Variants in AFF1 observed in about 807,000 individuals in gnomAD.
AFF1 encodes the protein ALF transcription elongation factor 1.
A neutral mutation model predicts 121.7 loss-of-function variants in AFF1; 48 were observed. The ratio of observed to expected loss-of-function variants is 0.39; its 90% CI spans 0.31 to 0.50. The LOEUF (loss-of-function observed/expected upper bound fraction) is 0.50. Ranked by LOEUF, AFF1 falls within the 20% of genes least tolerant of loss-of-function variation. AFF1 has a pLI of 0.76. For synonymous variants in AFF1, 613 were observed against 563.0 expected (o/e 1.09, Z -1.26); for missense variants, 1,523 against 1,511.7 (o/e 1.01, Z -0.12).
At chr4:87,037,820 T>A (rs989037893) in intron 2 of AFF1, among the ~76,000 whole-genome samples, 2 of 152,014 alleles carry the variant, frequency 1.3e-5, no homozygotes, top group Non-Finnish European at 2.9e-5. Context: ...GCAAAATATC[T>A]TACTGGCTCT....
rs1251112731 is a variant in AFF1 at position 87,115,133 on chromosome 4, G to C, written c.2300G>C (p.Ser767Thr). 4 of 1,614,162 alleles carry C rather than the reference G, an allele frequency of 2.5e-6. No homozygotes were observed. The highest frequency in any genetic ancestry group is 3.4e-6 in the Non-Finnish European group (4 of 1,180,042). Residue 767 changes from serine (S) to threonine (T), a missense_variant, in exon 12 of 21, where the codon AGC (serine) becomes ACC (threonine). Coordinates refer to ENST00000395146, the MANE Select transcript of AFF1 (RefSeq NM_001166693.3). The part of the protein sequence containing the change: ...SPLRDTPPPQ[S>T]LMVKITLDLL... ...CTCAGGGACACTCCTCCCCCACAAAGCTTGATGGTGAAGATCACCCTAGAC... is the reference window on the plus strand; with the variant it reads ...CTCAGGGACACTCCTCCCCCACAAACCTTGATGGTGAAGATCACCCTAGAC...
intron 6 of AFF1, among the ~76,000 whole-genome samples, chr4:87,090,594 A>G (rs1257800101): frequency 6.6e-6 from 1 of 152,190 alleles, no homozygotes; most frequent in Non-Finnish European, 1.5e-5. Context: ...ATAACCTTCA[A>G]AATGTAGAAA....
chr4:87,071,774 A>G (rs1412200898), intron 4 of AFF1, among the ~76,000 whole-genome samples: 1 of 152,164 alleles, frequency 6.6e-6, no homozygotes, highest in Non-Finnish European at 1.5e-5. Context: ...TTTTTTCCAT[A>G]TGATCTCTTC....
At chr4:87,047,919 A>G (rs1489968804) in intron 4 of AFF1, 1 of 309,576 alleles carries the variant, frequency 3.2e-6, no homozygotes, top group Non-Finnish European at 6.2e-6. Context: ...CCAAAACCCA[A>G]TCAAGAGAGA....
chr4:87,060,109 C>A (rs1213449748), intron 4 of AFF1, among the ~76,000 whole-genome samples: 5 of 152,178 alleles, frequency 3.3e-5, no homozygotes, highest in African/African-American at 1.2e-4. Context: ...TTTGAGAAAT[C>A]ATTTCACCAT....
intron 2 of AFF1, among the ~76,000 whole-genome samples, chr4:86,951,350 C>T (rs571271612): frequency 7.0e-6 from 1 of 142,446 alleles, no homozygotes; most frequent in South Asian, 2.3e-4. Context: ...CTGCTTTGTC[C>T]GTTTGCCCCA....
At position 87,132,326 on chromosome 4, in the gene AFF1, G is replaced by A; in HGVS notation, c.3229G>A (p.Ala1077Thr). 1 of 1,613,358 alleles carries A rather than the reference G, an allele frequency of 6.2e-7. No homozygotes were observed. The highest frequency in any genetic ancestry group is 1.1e-5 in the South Asian group (1 of 90,974). ...GATGTTTCGTTGTAAAAAAGACATA[G>A]CAATAAAGTATTCTCGTACTCTTAA... is the stretch of plus-strand genomic sequence containing the variant. ...MAMFRCKKDI[A>T]IKYSRTLNKH... The change falls in exon 19 of 21, where the codon GCA (alanine) becomes ACA (threonine). Residue 1077 changes from alanine to threonine, a missense_variant. Ala to Thr is a moderately conservative substitution (Grantham distance 58, BLOSUM62 0). Coordinates refer to ENST00000395146, the MANE Select transcript of AFF1 (RefSeq NM_001166693.3).
At chr4:87,072,755 T>A (rs967713897) in intron 4 of AFF1, among the ~76,000 whole-genome samples, 18 of 152,126 alleles carry the variant, frequency 1.2e-4, no homozygotes, top group African/African-American at 3.9e-4. Flanking sequence ...GGTCACAAAC[T>A]ACTGACCTCA....
chr4:86,970,847 G>A (rs1237093544), intron 2 of AFF1, among the ~76,000 whole-genome samples: 1 of 152,186 alleles, frequency 6.6e-6, no homozygotes, highest in East Asian at 1.9e-4. Flanking sequence ...GGCAGTGTGT[G>A]CTTTGTATTT....
chr4:87,088,661 A>G (rs530737117), intron 5 of AFF1, among the ~76,000 whole-genome samples: 95 of 152,200 alleles, frequency 6.2e-4, no homozygotes, highest in Middle Eastern at 3.4e-3. Context: ...CTGGAGTGCA[A>G]TGGTGCGATC....
chr4:87,095,273 C>A, intron 8 of AFF1, among the ~76,000 whole-genome samples: 1 of 152,160 alleles, frequency 6.6e-6, no homozygotes, highest in East Asian at 1.9e-4. Context: ...TGCCCACCAC[C>A]ATGCCTGACT....
intron 2 of AFF1, among the ~76,000 whole-genome samples, chr4:87,033,627 C>T (rs1033676828): frequency 6.6e-6 from 1 of 152,106 alleles, no homozygotes; most frequent in East Asian, 1.9e-4. Flanking sequence ...CAAATTTGCT[C>T]CTGAATAATT....
At position 87,090,088 on chromosome 4, in the gene AFF1, T is replaced by C; in HGVS notation, c.1191+18T>C. On this transcript the variant is annotated intron_variant, in intron 6 of 20. Coordinates refer to ENST00000395146, the MANE Select transcript of AFF1 (RefSeq NM_001166693.3). ...CTACAAAGGTAATTCCTTAAAAGTA[T>C]GGCAGGCATTGCATCCACCTTAGTG... The C allele has an allele frequency of 6.3e-7, 1 of 1,585,802 alleles. No homozygotes were observed. Among genetic ancestry groups the C allele is most frequent in the South Asian group, 1.1e-5 (1 of 90,458 alleles).
chr4:87,081,548 C>T (rs1462319540), intron 4 of AFF1, among the ~76,000 whole-genome samples: 2 of 152,194 alleles, frequency 1.3e-5, no homozygotes, highest in Non-Finnish European at 2.9e-5. Context: ...AATCTGCATG[C>T]CATACCATTG....
chr4:86,947,369 G>A (rs1326444196), intron 1 of AFF1, among the ~76,000 whole-genome samples: 1 of 152,196 alleles, frequency 6.6e-6, no homozygotes, highest in Non-Finnish European at 1.5e-5. Context: ...ATTTCATGGA[G>A]AGGGAGATAA....
At chr4:86,943,822 CGTGGTG>C (rs1260762870) in intron 1 of AFF1, among the ~76,000 whole-genome samples, 2 of 151,782 alleles carry the variant, frequency 1.3e-5, no homozygotes, top group Non-Finnish European at 2.9e-5. Context: ...ATTAGCCAGG[CGTGGTG>C]GTGCATGCCT....
intron 2 of AFF1, among the ~76,000 whole-genome samples, chr4:87,037,935 G>T (rs761816252): frequency 1.1e-4 from 17 of 152,080 alleles, no homozygotes; most frequent in Non-Finnish European, 1.8e-4. Flanking sequence ...TGTTTTCAAG[G>T]TTGATTTAAT....
intron 4 of AFF1, among the ~76,000 whole-genome samples, chr4:87,081,762 C>A (rs924990018): frequency 6.6e-6 from 1 of 152,082 alleles, no homozygotes; most frequent in Non-Finnish European, 1.5e-5. Flanking sequence ...GTAAATTAAC[C>A]AACTAATGCT....
intron 4 of AFF1, among the ~76,000 whole-genome samples, chr4:87,070,153 G>A (rs187630336): frequency 1.1e-4 from 16 of 152,282 alleles, no homozygotes; most frequent in African/African-American, 3.4e-4. Context: ...ACAGGCCTGC[G>A]CCACCACACC....
Sources: gnomAD v4.1 joint callset for allele counts (sites outside exome capture counted in the v4.1 genomes callset) on GRCh38, gnomAD v4.1.1 for gene constraint, MANE v1.5 for transcripts, NCBI Gene and HGNC (gene_info 2026-07-23, HGNC 2026-07-21) for gene names.